Variants in PCDHGB1 observed in about 807,000 individuals in gnomAD.
PCDHGB1 encodes the protein protocadherin gamma subfamily B, 1.
In PCDHGB1, 34 loss-of-function variants were observed where a neutral mutation model predicts 56.6. That is an observed-to-expected ratio of 0.60 (90% CI 0.46 to 0.80). PCDHGB1 has a LOEUF of 0.80. Ranked by LOEUF, PCDHGB1 falls within the 30% of genes least tolerant of loss-of-function variation. The probability of loss-of-function intolerance (pLI) is 0.00; values close to 1 mark genes in which losing one functional copy is unlikely to be tolerated. For synonymous variants in PCDHGB1, 561 were observed against 505.9 expected, an observed-to-expected ratio of 1.11 and a Z score of -1.46; for missense variants, 1,278 against 1,204.6, an observed-to-expected ratio of 1.06 and a Z score of -0.90.
chr5:141,482,510 T>A (rs2099563292), intron 1 of PCDHGB1, among the ~76,000 whole-genome samples: 3 of 121,012 alleles, frequency 2.5e-5, no homozygotes, highest in African/African-American at 3.5e-5. Context: ...GTACCCAGAG[T>A]ACAGTATGAG....
intron 2 of PCDHGB1, 58 bp downstream of exon 2, chr5:141,494,923 G>T: frequency 6.2e-7 from 1 of 1,613,698 alleles, no homozygotes; most frequent in Non-Finnish European, 8.5e-7. Context: ...CAGGGATGAC[G>T]TGGGAGGAGA....
chr5:141,390,330 C>T, intron 1 of PCDHGB1: 1 of 1,600,608 alleles, frequency 6.2e-7, no homozygotes, highest in Non-Finnish European at 8.5e-7. Flanking sequence ...ACCCATTTCT[C>T]CATATTCACA....
chr5:141,357,215 T>C (rs566972487), intron 1 of PCDHGB1: 86 of 1,613,818 alleles, frequency 5.3e-5, no homozygotes, highest in Non-Finnish European at 7.6e-6. Context: ...CCAGATGTCC[T>C]GGCTGACTTG....
chr5:141,445,224 G>A (rs1016307216), intron 1 of PCDHGB1, among the ~76,000 whole-genome samples: 6 of 152,194 alleles, frequency 3.9e-5, no homozygotes, highest in Admixed American at 2.0e-4. Context: ...GAGGTGCAAA[G>A]TGCTCTATTC....
intron 3 of PCDHGB1, 149 bp downstream of exon 3, chr5:141,505,630 A>G (rs558394591): frequency 4.7e-5 from 69 of 1,480,262 alleles, no homozygotes; most frequent in Admixed American, 2.2e-5. Flanking sequence ...AATTCCAAAC[A>G]TAAAGCCTGG....
At chr5:141,357,432 C>G in intron 1 of PCDHGB1, 1 of 1,614,212 alleles carries the variant, frequency 6.2e-7, no homozygotes, top group Non-Finnish European at 8.5e-7. Context: ...TGGGCGTGGA[C>G]GGGGTTCGGG....
chr5:141,441,343 C>T (rs2098240806), intron 1 of PCDHGB1: 1 of 152,368 alleles, frequency 6.6e-6, no homozygotes, highest in African/African-American at 2.4e-5. Flanking sequence ...TAATTAACTA[C>T]ATGCTTGTAA....
chr5:141,369,135 G>A (rs1312211190), intron 1 of PCDHGB1, among the ~76,000 whole-genome samples: 2 of 152,130 alleles, frequency 1.3e-5, no homozygotes, highest in African/African-American at 4.8e-5. Context: ...CAGAAACATG[G>A]AAAATGGCAT....
rs562156266 is a variant in PCDHGB1, at chr5:141,467,826, T to C, written c.2410-26981T>C. On this transcript the variant is annotated intron_variant, in intron 1 of 3. Transcript: ENST00000523390. ...GGCACATGCCACCACACCAGGCTGA[T>C]TTTTATATTTTTTTGTAGAATGAGA... Among the ~76,000 whole-genome samples, 96 of 151,894 alleles carry C rather than the reference T, an allele frequency of 6.3e-4. 3 individuals carry two copies. Among genetic ancestry groups the C allele is most frequent in the Admixed American group, 6.2e-3 (95 of 15,236 alleles).
At chr5:141,375,730 C>T in intron 1 of PCDHGB1, 3 of 1,614,266 alleles carry the variant, frequency 1.9e-6, no homozygotes, top group Non-Finnish European at 2.5e-6. Context: ...TGTCACTGAG[C>T]CTGTTTGTGC....
At chr5:141,357,751 C>T (rs921267826) in intron 1 of PCDHGB1, 33 of 1,131,562 alleles carry the variant, frequency 2.9e-5, no homozygotes, top group Non-Finnish European at 3.9e-5. Flanking sequence ...TTAAAGAAAA[C>T]TGGTGGATGA....
chr5:141,364,884 G>C, intron 1 of PCDHGB1: 1 of 1,614,002 alleles, frequency 6.2e-7, no homozygotes, highest in Non-Finnish European at 8.5e-7. Context: ...GTGGTAAGCG[G>C]AACTGATGGA....
chr5:141,487,022 A>T lies in PCDHGB1; in HGVS notation c.2410-7785A>T. ...TCAGCTCCTGGAGGCCCCAGATCCC[A>T]GCCTGTTTGCAGTCTCTCGATATGC... On this transcript the variant is annotated intron_variant, in intron 1 of 3. Coordinates refer to ENST00000523390, the MANE Select transcript of PCDHGB1 (RefSeq NM_018922.3). The surrounding 1 kb of genome is among the most constrained non-coding windows in gnomAD (Gnocchi z 5.0). The T allele has an allele frequency of 1.2e-6, 2 of 1,614,212 alleles. No homozygotes were observed. Among genetic ancestry groups the T allele is most frequent in the Non-Finnish European group, 1.7e-6 (2 of 1,180,048 alleles).
Position 141,493,034 on chromosome 5 carries a change from G to A in PCDHGB1, c.2410-1773G>A, listed in dbSNP as rs75211372. 6.6e-6 allele frequency among the ~76,000 whole-genome samples: 1 copy of A among 152,230 alleles called. No homozygotes were observed. Among genetic ancestry groups the A allele is most frequent in the African/African-American group, 2.4e-5 (1 of 41,458 alleles). On this transcript the variant is annotated intron_variant, in intron 1 of 3. Transcript: ENST00000523390. This position sits in a 1 kb window ranked among gnomAD's most constrained non-coding sequence, Gnocchi z 4.3. ...GCCAGATGCCAGGGTGCCCTTATGTGTGAGGAAACTACAATAGTAAAAAAC... is the reference window on the plus strand; with the variant it reads ...GCCAGATGCCAGGGTGCCCTTATGTATGAGGAAACTACAATAGTAAAAAAC...
At position 141,432,900 on chromosome 5, in the gene PCDHGB1, T is replaced by A. The variant is rs139221180; in HGVS notation, c.2410-61907T>A. ...GCCTTCGTCATCTTGCTGCTGGCGCTCAGGCTGCGGCGCTGGCACAAGTCA... is the reference window on the plus strand; with the variant it reads ...GCCTTCGTCATCTTGCTGCTGGCGCACAGGCTGCGGCGCTGGCACAAGTCA... On this transcript the variant is annotated intron_variant, in intron 1 of 3. Transcript: ENST00000523390. The surrounding 1 kb of genome is among the most constrained non-coding windows in gnomAD (Gnocchi z 6.0). The A allele has an allele frequency of 7.9e-5, 128 of 1,614,174 alleles. No homozygotes were observed. The highest frequency in any genetic ancestry group is 7.4e-4 in the East Asian group (33 of 44,868).
Position 141,456,465 on chromosome 5 carries a change from C to T in PCDHGB1, c.2410-38342C>T, listed in dbSNP as rs553441797. ...ACAGAGTCCAAATATCAATACAAGA[C>T]ATATAAGCAAGAGAGTGCTTAATAA... On this transcript the variant is annotated intron_variant, in intron 1 of 3. Coordinates refer to ENST00000523390, the MANE Select transcript of PCDHGB1 (RefSeq NM_018922.3). 2.6e-5 allele frequency among the ~76,000 whole-genome samples: 4 copies of T among 152,212 alleles called. No homozygotes were observed. In the East Asian group the frequency reaches 7.7e-4, roughly 29 times the overall value.
At chr5:141,403,811 A>C in intron 1 of PCDHGB1, 1 of 1,613,930 alleles carries the variant, frequency 6.2e-7, no homozygotes, top group Non-Finnish European at 8.5e-7. Flanking sequence ...AATTAATGAA[A>C]AACAATCTCT....
intron 1 of PCDHGB1, 102 bp downstream of exon 1, chr5:141,352,771 C>A (rs1480666897): frequency 8.1e-7 from 1 of 1,227,378 alleles, no homozygotes; most frequent in Non-Finnish European, 1.1e-6. Flanking sequence ...AGGTGGATCA[C>A]TTGAGGTCAG....
rs545421792 is a variant in PCDHGB1 at position 141,414,806 on chromosome 5, C to T, written c.2409+62137C>T. ...GTGACAGCCAGCGACAGCGGGGATC[C>T]TCCACTCAGCAGCAACGTGTCGTTG... On this transcript the variant is annotated intron_variant, in intron 1 of 3. Coordinates refer to ENST00000523390, the MANE Select transcript of PCDHGB1 (RefSeq NM_018922.3). 2.2e-5 allele frequency: 36 copies of T among 1,614,244 alleles called. No individual in the cohort carries two copies. The South Asian group carries it at 3.1e-4, about 14-fold the overall frequency.
Sources: allele counts gnomAD v4.1 joint callset (sites outside exome capture counted in the v4.1 genomes callset), GRCh38; gene constraint gnomAD v4.1.1; non-coding constraint Gnocchi (gnomAD v3.1); transcripts MANE v1.5; gene names NCBI Gene and HGNC (gene_info 2026-07-23, HGNC 2026-07-21).